Variants in GTPBP10 observed in about 807,000 individuals in gnomAD.
GTPBP10 encodes the protein GTP-binding protein 10.
GTPBP10 carries 38 observed loss-of-function variants against 44.8 expected under a neutral mutation model. That is an observed-to-expected ratio of 0.85 (90% confidence interval 0.65 to 1.11). GTPBP10 has a LOEUF of 1.11. GTPBP10 is among the 50% of genes most tolerant of loss of function. The pLI is 0.00. For missense variants in GTPBP10, 462 were observed against 453.7 expected, an observed-to-expected ratio of 1.02 and a Z score of -0.17; for synonymous variants, 152 against 150.6, an observed-to-expected ratio of 1.01 and a Z score of -0.07.
intron 5 of GTPBP10, among the ~76,000 whole-genome samples, chr7:90,373,615 A>G (rs1376336434): frequency 6.6e-6 from 1 of 152,200 alleles, no homozygotes; most frequent in Non-Finnish European, 1.5e-5. Flanking sequence ...AGGCTAGCGT[A>G]GGATTGATGA....
intron 4 of GTPBP10, among the ~76,000 whole-genome samples, chr7:90,371,018 A>G (rs7787944): frequency 8.5e-4 from 73 of 86,024 alleles, no homozygotes; most frequent in Non-Finnish European, 1.3e-3. Flanking sequence ...TAGATAAATA[A>G]ATAAATAAAT....
In GTPBP10 at chr7:90,389,031, A is replaced by T. The variant is rs981939090; in HGVS notation, c.*3877A>T. The T allele has an allele frequency of 6.6e-6, 1 of 152,250 alleles. No individual in the cohort carries two copies. The highest frequency in any genetic ancestry group is 1.5e-5 in the Non-Finnish European group (1 of 68,036). 9.4% of individuals were successfully genotyped at this position (152,250 alleles called of 1,614,324 possible). A position where few individuals can be genotyped will look rare whatever the true frequency, so the allele number is the denominator to read the frequency against. ...TGTAAACCTACACAAAAGATAAAAG[A>T]TATCTTATTGCAAAAATAGGGCAAC... On this transcript the variant is annotated 3_prime_UTR_variant, in exon 10 of 10. Transcript: ENST00000222511.
intron 8 of GTPBP10, among the ~76,000 whole-genome samples, chr7:90,379,227 T>G (rs750782044): frequency 1.2e-4 from 19 of 152,224 alleles, no homozygotes; most frequent in Non-Finnish European, 2.6e-4. Context: ...CTCTTGTCTT[T>G]ATCTACGCTG....
intron 4 of GTPBP10, among the ~76,000 whole-genome samples, chr7:90,366,988 C>T (rs1796147048): frequency 6.6e-6 from 1 of 152,178 alleles, no homozygotes; most frequent in Non-Finnish European, 1.5e-5. Flanking sequence ...TACATTATGT[C>T]TGTGTTCTCA....
chr7:90,364,320 G>A (rs1443035422), intron 4 of GTPBP10, among the ~76,000 whole-genome samples: 2 of 152,210 alleles, frequency 1.3e-5, no homozygotes, highest in East Asian at 3.9e-4. Flanking sequence ...TTTTGGTGTG[G>A]ATGTCCTTTC....
Position 90,354,704 on chromosome 7 carries a change from T to C in GTPBP10, c.319+155T>C, listed in dbSNP as rs28947513. On this transcript the variant is annotated intron_variant, in intron 3 of 9. Transcript: ENST00000222511. ...ATTTTTAAAACTTATAAAAGTTAAATTGACTGCTAGATTTAAGATTGTTTT... is the reference window on the plus strand; with the variant it reads ...ATTTTTAAAACTTATAAAAGTTAAACTGACTGCTAGATTTAAGATTGTTTT... Among the ~76,000 whole-genome samples the C allele has an allele frequency of 3.2e-4, 49 of 152,264 alleles. No individual in the cohort carries two copies. In the East Asian group the frequency reaches 8.7e-3, roughly 27 times the overall value.
Position 90,384,924 on chromosome 7 carries a change from C to G in GTPBP10, c.934C>G (p.Pro312Ala), listed in dbSNP as rs754166184. 1.2e-6 allele frequency: 2 copies of G among 1,603,084 alleles called. No homozygotes were observed. Among genetic ancestry groups the G allele is most frequent in the African/African-American group, 1.3e-5 (1 of 74,364 alleles). The change falls in exon 10 of 10, where the codon CCA becomes GCA. Residue 312 changes from proline to alanine, a missense_variant. Pro to Ala is a conservative substitution (Grantham distance 27). Coordinates refer to ENST00000222511, the MANE Select transcript of GTPBP10 (RefSeq NM_033107.4). Reference protein sequence around the residue: ...FLHLFEKNMIPERTVEFQHII... With the variant: ...FLHLFEKNMIAERTVEFQHII... ...GCATTTATTTGAAAAAAACATGATTCCAGAGAGGACTGTAGAGTTCCAACA... is the reference window on the plus strand; with the variant it reads ...GCATTTATTTGAAAAAAACATGATTGCAGAGAGGACTGTAGAGTTCCAACA...
chr7:90,352,925 T>C lies in GTPBP10; in HGVS notation c.143T>C (p.Val48Ala). 4 of 1,613,686 alleles carry C rather than the reference T, an allele frequency of 2.5e-6. No homozygotes were observed. The highest frequency in any genetic ancestry group is 3.4e-6 in the Non-Finnish European group (4 of 1,179,610). Residue 48 changes from valine to alanine, a missense_variant, in exon 2 of 10, where the codon GTA becomes GCA. Physicochemically the swap from Val to Ala is moderately conservative, Grantham distance 64. Coordinates refer to ENST00000222511, the MANE Select transcript of GTPBP10 (RefSeq NM_033107.4). The part of the protein sequence containing the change: ...EGGKGGDVWV[V>A]AQNRMTLKQL... Reference sequence around the variant, plus strand: ...GGAAAAGGTGGTGATGTCTGGGTTGTAGCCCAGAACAGAATGACTTTAAAA... The same window carrying C: ...GGAAAAGGTGGTGATGTCTGGGTTGCAGCCCAGAACAGAATGACTTTAAAA...
chr7:90,382,640 A>C (rs1584648968), intron 8 of GTPBP10, among the ~76,000 whole-genome samples: 1 of 152,300 alleles, frequency 6.6e-6, no homozygotes, highest in East Asian at 1.9e-4. Flanking sequence ...TACTTTTTCC[A>C]AGAATACTAC....
intron 4 of GTPBP10, among the ~76,000 whole-genome samples, chr7:90,360,007 T>G (rs1795982249): frequency 6.6e-6 from 1 of 152,238 alleles, no homozygotes; most frequent in South Asian, 2.1e-4. Context: ...TCTTGTAAAT[T>G]TGCTTGAGTA....
chr7:90,388,992 A>C lies in GTPBP10; in HGVS notation c.*3838A>C, dbSNP rs1796571386. ...AAACTGTAGCTTAAAAATAAAAATT[A>C]GTAATATAACTTGTGTAAACCTACA... On this transcript the variant is annotated 3_prime_UTR_variant, in exon 10 of 10. Transcript: ENST00000222511. 6.6e-6 allele frequency: 1 copy of C among 152,276 alleles called. No homozygotes were observed. The highest frequency in any genetic ancestry group is 6.5e-5 in the Admixed American group (1 of 15,290). 9.4% of individuals were successfully genotyped at this position (152,276 alleles called of 1,614,324 possible).
rs184969620 is a variant in GTPBP10 at position 90,357,531 on chromosome 7, C to T, written c.464+2301C>T. Among the ~76,000 whole-genome samples the T allele has an allele frequency of 7.0e-4, 107 of 152,132 alleles. 1 individual carries two copies. Among genetic ancestry groups the T allele is most frequent in the Non-Finnish European group, 6.9e-4 (47 of 67,972 alleles). On this transcript the variant is annotated intron_variant, in intron 4 of 9. Coordinates refer to ENST00000222511, the MANE Select transcript of GTPBP10 (RefSeq NM_033107.4). ...ATTGTTGAAATACCTCCAGCTAATA[C>T]GCTTTTATAAAATTCCAAATTAATA...
chr7:90,379,794 T>C (rs996620306), intron 8 of GTPBP10, among the ~76,000 whole-genome samples: 5 of 152,232 alleles, frequency 3.3e-5, no homozygotes, highest in African/African-American at 1.2e-4. Flanking sequence ...CCACCATCAA[T>C]GTATGTTCCA....
In GTPBP10 at chr7:90,387,737, C is replaced by T. The variant is rs907009927; in HGVS notation, c.*2583C>T. On this transcript the variant is annotated 3_prime_UTR_variant, in exon 10 of 10. Coordinates refer to ENST00000222511, the MANE Select transcript of GTPBP10 (RefSeq NM_033107.4). ...GACCTACTGTCCTTGTATATCTTGC[C>T]TTTGATAACAGAAACTGCAGGGGAT... is the stretch of plus-strand genomic sequence containing the variant. 5.3e-5 allele frequency: 8 copies of T among 152,160 alleles called. No individual in the cohort carries two copies. The highest frequency in any genetic ancestry group is 1.9e-4 in the African/African-American group (8 of 41,420). The allele number at this position is 152,160 out of a possible 1,614,324, so 9.4% of individuals were successfully genotyped here.
At chr7:90,368,530 A>T (rs946362685) in intron 4 of GTPBP10, among the ~76,000 whole-genome samples, 1 of 151,632 alleles carries the variant, frequency 6.6e-6, no homozygotes, top group Non-Finnish European at 1.5e-5. Context: ...GCTTTATTTC[A>T]TTAATTTAAT....
intron 4 of GTPBP10, among the ~76,000 whole-genome samples, chr7:90,362,129 T>G (rs1796035849): frequency 6.6e-6 from 1 of 152,178 alleles, no homozygotes; most frequent in Admixed American, 6.5e-5. Flanking sequence ...TGTCTCTATT[T>G]CCTTCATTTC....
chr7:90,351,340 G>T (rs1165370398), intron 1 of GTPBP10, among the ~76,000 whole-genome samples: 1 of 152,146 alleles, frequency 6.6e-6, no homozygotes, highest in Non-Finnish European at 1.5e-5. Flanking sequence ...AGCACTTTGG[G>T]AGGCCAAGGC....
chr7:90,382,563 T>A (rs1796451034), intron 8 of GTPBP10, among the ~76,000 whole-genome samples: 1 of 152,220 alleles, frequency 6.6e-6, no homozygotes, highest in African/African-American at 2.4e-5. Flanking sequence ...TTACTTGTGC[T>A]TTTCATGTTA....
At chr7:90,364,302 A>G (rs1258787319) in intron 4 of GTPBP10, among the ~76,000 whole-genome samples, 1 of 152,182 alleles carries the variant, frequency 6.6e-6, no homozygotes, top group Non-Finnish European at 1.5e-5. Context: ...GGTGACGTAC[A>G]GATGGGTTTT....
Sources: allele counts gnomAD v4.1 joint callset (sites outside exome capture counted in the v4.1 genomes callset), GRCh38; gene constraint gnomAD v4.1.1; transcripts MANE v1.5; gene names NCBI Gene and HGNC (gene_info 2026-07-23, HGNC 2026-07-21).